The following ZNF254 variants were observed in gnomAD, a reference collection of about 807,000 sequenced individuals.
The protein encoded by ZNF254 is CTD-2017D11.1.
ZNF254 carries 10 observed loss-of-function variants against 12.4 expected under a neutral mutation model. The ratio of observed to expected loss-of-function variants is 0.80; its 90% CI spans 0.50 to 1.36. The LOEUF (loss-of-function observed/expected upper bound fraction) is 1.36, where lower values mean the gene tolerates loss of function less well. ZNF254 is among the 40% of genes most tolerant of loss of function. ZNF254 has a pLI of 0.00. For missense variants in ZNF254, 996 were observed against 763.9 expected (o/e 1.30, Z -3.58); for synonymous variants, 305 against 253.4 (o/e 1.20, Z -1.93).
chr19:24,108,339 G>A (rs1319864010), intron 3 of ZNF254, among the ~76,000 whole-genome samples: 1 of 152,164 alleles, frequency 6.6e-6, no homozygotes, highest in Non-Finnish European at 1.5e-5. Context: ...ATTCTCAGGG[G>A]AACCAAGTTA....
chr19:24,056,940 C>T (rs1323166578), intron 2 of ZNF254, among the ~76,000 whole-genome samples: 1 of 151,750 alleles, frequency 6.6e-6, no homozygotes, highest in African/African-American at 2.4e-5. Context: ...CCTGCTCACT[C>T]CCTATCCACA....
intron 3 of ZNF254, among the ~76,000 whole-genome samples, chr19:24,116,548 A>G (rs1444323957): frequency 6.6e-6 from 1 of 152,054 alleles, no homozygotes; most frequent in Non-Finnish European, 1.5e-5. Context: ...CAGCTCCATC[A>G]GCTCCTTTAA....
At chr19:24,069,604 CAAAA>C (rs968664535) in intron 2 of ZNF254, among the ~76,000 whole-genome samples, 3 of 36,712 alleles carry the variant, frequency 8.2e-5, no homozygotes, top group Non-Finnish European at 9.7e-5. Flanking sequence ...GACTCCATCT[CAAAA>C]AAAAAAAAAA....
rs1318195369 is a variant in ZNF254 at position 24,127,443 on chromosome 19, G to C, written c.1443G>C (p.Lys481Asn). ...FIWSSTLTRH[K>N]RMHTGEKPYK... ...GGTCCTCAACCCTAACTAGACATAA[G>C]AGGATGCACACTGGAGAGAAACCCT... Residue 481 changes from lysine (K) to asparagine (N), a missense_variant, in exon 4 of 4, where the codon AAG (lysine) becomes AAC (asparagine). By Grantham distance (94) the Lys-to-Asn change is moderately conservative. Coordinates refer to ENST00000357002, the MANE Select transcript of ZNF254 (RefSeq NM_203282.4). 1.2e-6 allele frequency: 2 copies of C among 1,612,416 alleles called. No homozygotes were observed. The highest frequency in any genetic ancestry group is 2.2e-5 in the South Asian group (2 of 91,046).
intron 1 of ZNF254, chr19:24,091,949 A>G (rs1220448031): frequency 1.6e-5 from 7 of 434,230 alleles, no homozygotes; most frequent in South Asian, 2.0e-4. Flanking sequence ...GCGCAATCTC[A>G]GCTCACTGCA....
At chr19:24,041,462 G>C (rs898850722) in intron 1 of ZNF254, among the ~76,000 whole-genome samples, 16 of 152,262 alleles carry the variant, frequency 1.1e-4, no homozygotes, top group Non-Finnish European at 2.2e-4. Flanking sequence ...ACCCGGGCTA[G>C]TGGCTGCGGA....
At chr19:24,080,165 G>A (rs1401262215) in intron 2 of ZNF254, 2 of 152,190 alleles carry the variant, frequency 1.3e-5, no homozygotes, top group Admixed American at 6.5e-5. Context: ...AGCGGAGGTA[G>A]CGGAAAGAGG....
At chr19:24,055,240 C>T (rs1449795252) in intron 2 of ZNF254, among the ~76,000 whole-genome samples, 1 of 108,124 alleles carries the variant, frequency 9.2e-6, no homozygotes, top group East Asian at 2.7e-4. Context: ...AAAGAGTGTA[C>T]TAACAAGACC....
In ZNF254 at chr19:24,115,607, T is replaced by A. The variant is rs1373603239; in HGVS notation, c.253+8964T>A. 3.9e-5 allele frequency among the ~76,000 whole-genome samples: 6 copies of A among 152,068 alleles called. No homozygotes were observed. The East Asian group carries it at 1.2e-3, about 29-fold the overall frequency. On this transcript the variant is annotated intron_variant, in intron 3 of 3. Transcript: ENST00000357002. ...AGTTAATGGGTGCAGCACACCAGCATGGCACATGTATACATATGTAACTAA... is the reference window on the plus strand; with the variant it reads ...AGTTAATGGGTGCAGCACACCAGCAAGGCACATGTATACATATGTAACTAA...
intron 1 of ZNF254, chr19:24,105,713 A>G: frequency 4.0e-6 from 2 of 498,236 alleles, no homozygotes; most frequent in Non-Finnish European, 6.2e-6. Flanking sequence ...GTTATCTTCC[A>G]GACAAGTATC....
chr19:24,085,426 A>ATATATATATATATAT (rs369443689), upstream of ZNF254, among the ~76,000 whole-genome samples: 9 of 105,646 alleles, frequency 8.5e-5, no homozygotes, highest in East Asian at 2.8e-4. Context: ...ATATATATAT[A>ATATATATATATATAT]AAAACTAAGA....
At chr19:24,041,322 A>C (rs1299152070) in intron 1 of ZNF254, among the ~76,000 whole-genome samples, 1 of 152,216 alleles carries the variant, frequency 6.6e-6, no homozygotes, top group African/African-American at 2.4e-5. Flanking sequence ...AGGGAGAGGC[A>C]TGAGCGGGAA....
intron 3 of ZNF254, among the ~76,000 whole-genome samples, chr19:24,120,515 A>T (rs1306146812): frequency 6.6e-6 from 1 of 152,148 alleles, no homozygotes; most frequent in Non-Finnish European, 1.5e-5. Flanking sequence ...TAAGGGTTTT[A>T]TGCATCATCA....
Position 24,106,532 on chromosome 19 carries a change from A to AT in ZNF254, c.158-11dup, listed in dbSNP as rs1973350444. ...GAATATAAGCAAGATTCATTTAGTT[A>AT]TTTTTAATAAAACAGGTATTGCTGT... is the stretch of plus-strand genomic sequence containing the variant. On this transcript the variant is annotated splice_polypyrimidine_tract_variant and intron_variant, in intron 2 of 3. Transcript: ENST00000357002. 1.3e-6 allele frequency: 2 copies of AT among 1,561,676 alleles called. No homozygotes were observed. Among genetic ancestry groups the AT allele is most frequent in the Non-Finnish European group, 1.7e-6 (2 of 1,148,496 alleles).
intron 1 of ZNF254, among the ~76,000 whole-genome samples, chr19:24,041,186 C>T (rs1414136414): frequency 6.6e-6 from 1 of 152,274 alleles, no homozygotes; most frequent in Non-Finnish European, 1.5e-5. Flanking sequence ...CTCTCGGCAC[C>T]TCCCCTGCCT....
chr19:24,128,623 T>C lies in ZNF254; in HGVS notation c.*643T>C, dbSNP rs1313360035. On this transcript the variant is annotated 3_prime_UTR_variant, in exon 4 of 4. Coordinates refer to ENST00000357002, the MANE Select transcript of ZNF254 (RefSeq NM_203282.4). ...TTTGGAAAAACATTTTTTCAAAAAC[T>C]ACAAATTATAAAACACCAAAGTGTT... The C allele has an allele frequency of 1.3e-5, 2 of 152,102 alleles. No homozygotes were observed. The highest frequency in any genetic ancestry group is 4.8e-5 in the African/African-American group (2 of 41,456). 9.4% of individuals were successfully genotyped at this position (152,102 alleles called of 1,614,324 possible).
chr19:24,049,214 A>T (rs989250208), intron 2 of ZNF254, among the ~76,000 whole-genome samples: 3,957 of 40,322 alleles, frequency 0.098, 318 homozygotes, highest in African/African-American at 0.22. Context: ...ATATATATAT[A>T]TTTTTTTTTT....
chr19:24,103,314 T>A (rs750086597), intron 1 of ZNF254, among the ~76,000 whole-genome samples: 3 of 152,198 alleles, frequency 2.0e-5, no homozygotes, highest in Non-Finnish European at 4.4e-5. Flanking sequence ...ACACCAGCAT[T>A]GACAGAAGAC....
chr19:24,066,955 C>A (rs1056033139), intron 2 of ZNF254: 1 of 152,072 alleles, frequency 6.6e-6, no homozygotes, highest in Non-Finnish European at 1.5e-5. Context: ...ACCAATCCTA[C>A]AGGTGATGTG....
Sources: gnomAD v4.1 joint callset for allele counts (sites outside exome capture counted in the v4.1 genomes callset) on GRCh38, gnomAD v4.1.1 for gene constraint, MANE v1.5 for transcripts, NCBI Gene and HGNC (gene_info 2026-07-23, HGNC 2026-07-21) for gene names.